ASB5: variants seen among roughly 807,000 people sequenced by gnomAD.
ASB5 encodes the protein ankyrin repeat and SOCS box containing 5.
ASB5 carries 45 observed loss-of-function variants against 42.1 expected under a neutral mutation model. The ratio of observed to expected loss-of-function variants is 1.07; its 90% CI spans 0.84 to 1.37. The LOEUF (loss-of-function observed/expected upper bound fraction) is 1.37, where lower values mean the gene tolerates loss of function less well. ASB5 is among the 40% of genes most tolerant of loss of function. ASB5 has a pLI of 0.00. For synonymous variants in ASB5, 147 were observed against 150.6 expected (o/e 0.98, Z 0.18); for missense variants, 402 against 399.8 (o/e 1.01, Z -0.05).
At chr4:176,226,948 G>T (rs1462713808) in intron 1 of ASB5, among the ~76,000 whole-genome samples, 1 of 152,210 alleles carries the variant, frequency 6.6e-6, no homozygotes, top group Non-Finnish European at 1.5e-5. Context: ...GTGTCCTAGT[G>T]CTTAAGCATT....
At position 176,216,799 on chromosome 4, in the gene ASB5, C is replaced by T. The variant is rs1191626275; in HGVS notation, c.862+19G>A. 6 of 1,521,534 alleles carry T rather than the reference C, an allele frequency of 3.9e-6. No individual in the cohort carries two copies. The East Asian group carries it at 7.0e-5, about 18-fold the overall frequency. The allele number at this position is 1,521,534 out of a possible 1,614,324, so 94.3% of individuals were successfully genotyped here. Reference sequence around the variant, plus strand: ...AAATATATTTTGTTTTTGTAAGTTTCCACATGTATTTTTCTTACCTTCATG... The same window carrying T: ...AAATATATTTTGTTTTTGTAAGTTTTCACATGTATTTTTCTTACCTTCATG... On this transcript the variant is annotated intron_variant, in intron 6 of 6. Coordinates refer to ENST00000296525, the MANE Select transcript of ASB5 (RefSeq NM_080874.4).
chr4:176,225,405 T>C, intron 1 of ASB5, 64 bp from the exon 2 acceptor site: 1 of 1,344,858 alleles, frequency 7.4e-7, no homozygotes. Flanking sequence ...TGAATCCCAG[T>C]AGACACAATC....
chr4:176,227,272 C>T (rs1258271175), intron 1 of ASB5, among the ~76,000 whole-genome samples: 1 of 152,202 alleles, frequency 6.6e-6, no homozygotes, highest in Non-Finnish European at 1.5e-5. Context: ...AGTGTACACA[C>T]ATAGTAAACA....
intron 1 of ASB5, chr4:176,237,710 G>A (rs185415539): frequency 2.2e-6 from 1 of 455,392 alleles, no homozygotes; most frequent in East Asian, 1.5e-4. Context: ...GTGTGATATA[G>A]AAAGTAAAAA....
At chr4:176,263,257 A>T (rs1754297315) in intron 1 of ASB5, among the ~76,000 whole-genome samples, 1 of 152,220 alleles carries the variant, frequency 6.6e-6, no homozygotes. Context: ...CACCAGAATC[A>T]TGAGCTAAAT....
At position 176,215,203 on chromosome 4, in the gene ASB5, A is replaced by G. The variant is rs1399183685; in HGVS notation, c.*397T>C. 6.5e-6 allele frequency: 1 copy of G among 153,536 alleles called. No homozygotes were observed. The highest frequency in any genetic ancestry group is 1.4e-5 in the Non-Finnish European group (1 of 69,070). 9.5% of individuals were successfully genotyped at this position (153,536 alleles called of 1,614,324 possible). Reference sequence around the variant, plus strand: ...TTTATGTCAATATCAGTAACAAGTTAGCCAATTACAATAGCCAAAATTAAA... The same window carrying G: ...TTTATGTCAATATCAGTAACAAGTTGGCCAATTACAATAGCCAAAATTAAA... On this transcript the variant is annotated 3_prime_UTR_variant, in exon 7 of 7. Coordinates refer to ENST00000296525, the MANE Select transcript of ASB5 (RefSeq NM_080874.4).
intron 1 of ASB5, among the ~76,000 whole-genome samples, chr4:176,250,830 T>G (rs952565259): frequency 2.0e-5 from 3 of 152,354 alleles, no homozygotes; most frequent in Admixed American, 1.3e-4. Flanking sequence ...AGATTAAACG[T>G]GTTTATAATG....
At chr4:176,226,351 T>G (rs1261732254) in intron 1 of ASB5, among the ~76,000 whole-genome samples, 1 of 152,162 alleles carries the variant, frequency 6.6e-6, no homozygotes, top group Non-Finnish European at 1.5e-5. Flanking sequence ...AGGACTTCAG[T>G]GGTCCCCTGG....
intron 1 of ASB5, among the ~76,000 whole-genome samples, chr4:176,233,777 A>C (rs1243490810): frequency 6.6e-6 from 1 of 152,102 alleles, no homozygotes; most frequent in Non-Finnish European, 1.5e-5. Flanking sequence ...TATTATCCAC[A>C]TATTGATTAC....
chr4:176,263,715 C>G (rs1009669760), intron 1 of ASB5, among the ~76,000 whole-genome samples: 4 of 152,190 alleles, frequency 2.6e-5, no homozygotes, highest in Admixed American at 6.5e-5. Context: ...TGCTGAGATT[C>G]TCAGAACGTC....
intron 1 of ASB5, among the ~76,000 whole-genome samples, chr4:176,251,693 A>G (rs1754040026): frequency 6.6e-6 from 1 of 151,126 alleles, no homozygotes; most frequent in South Asian, 2.1e-4. Flanking sequence ...TTCTTTACTT[A>G]AAGGAAAACG....
intron 1 of ASB5, among the ~76,000 whole-genome samples, chr4:176,258,544 G>A (rs527357670): frequency 2.0e-5 from 3 of 152,268 alleles, no homozygotes; most frequent in African/African-American, 4.8e-5. Flanking sequence ...AATAAAAGCA[G>A]TTTTGACTGA....
intron 1 of ASB5, among the ~76,000 whole-genome samples, chr4:176,232,688 C>T (rs1004216773): frequency 6.6e-6 from 1 of 152,158 alleles, no homozygotes; most frequent in Non-Finnish European, 1.5e-5. Flanking sequence ...AACCACAGAG[C>T]CACAGAAATC....
chr4:176,237,859 A>G (rs1000428589), intron 1 of ASB5, among the ~76,000 whole-genome samples: 4 of 152,254 alleles, frequency 2.6e-5, no homozygotes, highest in Non-Finnish European at 4.4e-5. Context: ...AGAATATTGC[A>G]GCCAGAAAGC....
intron 1 of ASB5, among the ~76,000 whole-genome samples, chr4:176,243,404 T>C (rs1194410958): frequency 1.3e-5 from 2 of 152,222 alleles, no homozygotes; most frequent in Admixed American, 1.3e-4. Flanking sequence ...AATTTTATAC[T>C]GTAAAGCAAT....
At chr4:176,221,025 C>T in intron 5 of ASB5, 130 bp downstream of exon 5, 1 of 1,172,864 alleles carries the variant, frequency 8.5e-7, no homozygotes, top group Non-Finnish European at 1.2e-6. Flanking sequence ...GTTCTCTATT[C>T]ATGTGTGAAA....
intron 6 of ASB5, among the ~76,000 whole-genome samples, chr4:176,216,377 A>C (rs1291257749): frequency 6.6e-6 from 1 of 152,082 alleles, no homozygotes; most frequent in African/African-American, 2.4e-5. Flanking sequence ...TTTTAGATGG[A>C]GTCTCACTCT....
intron 1 of ASB5, among the ~76,000 whole-genome samples, chr4:176,254,658 A>T (rs1321048749): frequency 6.6e-6 from 1 of 152,180 alleles, no homozygotes; most frequent in Non-Finnish European, 1.5e-5. Context: ...TGCATCTAAC[A>T]AAAAGGTCTA....
chr4:176,249,302 T>C (rs917950093), intron 1 of ASB5, among the ~76,000 whole-genome samples: 3 of 152,212 alleles, frequency 2.0e-5, no homozygotes, highest in African/African-American at 7.2e-5. Context: ...TGTATTAAAC[T>C]CTGTAAACAA....
Sources: allele counts gnomAD v4.1 joint callset (sites outside exome capture counted in the v4.1 genomes callset), GRCh38; gene constraint gnomAD v4.1.1; transcripts MANE v1.5; gene names NCBI Gene and HGNC (gene_info 2026-07-23, HGNC 2026-07-21).